The following RBFOX1 variants were observed in gnomAD, a reference collection of about 807,000 sequenced individuals.
RBFOX1 encodes the protein RNA binding protein fox-1 homolog 1.
RBFOX1 carries 8 observed loss-of-function variants against 57.7 expected under a neutral mutation model. That is an observed-to-expected ratio of 0.14 (90% confidence interval 0.08 to 0.25). RBFOX1 has a LOEUF of 0.25. Among genes scored for constraint, RBFOX1 ranks in the 10% least tolerant of loss-of-function variants. The probability of loss-of-function intolerance (pLI) is 1.00; values close to 1 mark genes in which losing one functional copy is unlikely to be tolerated. For missense variants in RBFOX1, 611 were observed against 548.5 expected (o/e 1.11, Z -1.14); for synonymous variants, 326 against 222.4 (o/e 1.47, Z -4.15).
In RBFOX1 at chr16:6,825,017, G is replaced by T. The variant is rs12921249; in HGVS notation, c.-16+170367G>T. ...TTTTTTTTTTTTTTTTTTTTTTTGA[G>T]ACGGCGTCTGGCTCTGTCACCCAGG... On this transcript the variant is annotated intron_variant, in intron 3 of 15. Coordinates refer to ENST00000550418, the MANE Select transcript of RBFOX1 (RefSeq NM_018723.4). Among the ~76,000 whole-genome samples, 46 of 32,064 alleles carry T rather than the reference G, an allele frequency of 1.4e-3. 1 individual carries two copies. Among genetic ancestry groups the T allele is most frequent in the East Asian group, 7.4e-4 (1 of 1,344 alleles). 21.0% of individuals were successfully genotyped at this position (32,064 alleles called of 152,430 possible).
chr16:6,551,779 C>T (rs984635009), intron 2 of RBFOX1, among the ~76,000 whole-genome samples: 16 of 152,156 alleles, frequency 1.1e-4, no homozygotes, highest in African/African-American at 3.9e-4. Context: ...GGTCCTTTTC[C>T]AACCGGGACG....
At chr16:6,382,173 T>C (rs1367681572) in intron 2 of RBFOX1, among the ~76,000 whole-genome samples, 1 of 152,218 alleles carries the variant, frequency 6.6e-6, no homozygotes, top group Admixed American at 6.5e-5. Flanking sequence ...ATAGTATTCT[T>C]GTGATCCTTT....
chr16:7,700,223 C>T (rs940826501), intron 14 of RBFOX1, among the ~76,000 whole-genome samples: 5 of 152,238 alleles, frequency 3.3e-5, no homozygotes, highest in Admixed American at 2.0e-4. Flanking sequence ...ATAAAATAGA[C>T]GAGAGGCAAT....
At chr16:6,034,815 T>C (rs2095343445) in intron 1 of RBFOX1, among the ~76,000 whole-genome samples, 1 of 152,134 alleles carries the variant, frequency 6.6e-6, no homozygotes. Flanking sequence ...TAGACCCTGC[T>C]CTCATCCTGT....
chr16:7,409,065 C>T (rs1225420597), intron 4 of RBFOX1, among the ~76,000 whole-genome samples: 3 of 152,182 alleles, frequency 2.0e-5, no homozygotes, highest in African/African-American at 4.8e-5. Context: ...ACGAGATTGC[C>T]TTGAACTCCT....
At chr16:6,358,926 G>A (rs1325447297) in intron 2 of RBFOX1, among the ~76,000 whole-genome samples, 1 of 152,208 alleles carries the variant, frequency 6.6e-6, no homozygotes, top group East Asian at 1.9e-4. Context: ...GGGTAGCAAA[G>A]CTGAGATTCT....
intron 4 of RBFOX1, among the ~76,000 whole-genome samples, chr16:7,190,666 A>T (rs531980535): frequency 2.0e-5 from 3 of 152,144 alleles, no homozygotes; most frequent in African/African-American, 7.2e-5. Context: ...GAAATCAGAA[A>T]TTCAGCTCCC....
At chr16:7,065,322 C>T (rs1457800097) in intron 4 of RBFOX1, among the ~76,000 whole-genome samples, 1 of 152,076 alleles carries the variant, frequency 6.6e-6, no homozygotes, top group African/African-American at 2.4e-5. Context: ...AATCTGCTTT[C>T]TTCAGGTGCA....
At chr16:5,397,145 C>T (rs1313213637) in intron 1 of RBFOX1, among the ~76,000 whole-genome samples, 3 of 152,198 alleles carry the variant, frequency 2.0e-5, no homozygotes, top group Non-Finnish European at 4.4e-5. Context: ...CAAAGTGAAA[C>T]CACAGGTGTC....
Position 5,301,017 on chromosome 16 carries a change from G to A in RBFOX1, c.219+60912G>A, listed in dbSNP as rs189131454. On this transcript the variant is annotated intron_variant, in intron 1 of 2. Coordinates refer to the RBFOX1 transcript ENST00000585867. ...CTCAAAGTGGCTTCCAGTAGCCTCT[G>A]CCTCTTGATATCCACATCCTTGTGT... Among the ~76,000 whole-genome samples, 677 of 152,226 alleles carry A rather than the reference G, an allele frequency of 4.4e-3. 4 individuals are homozygous for A. Among genetic ancestry groups the A allele is most frequent in the African/African-American group, 0.014 (586 of 41,544 alleles).
At chr16:5,284,755 G>GCTTTTTTTTT (rs2063350890) in intron 1 of RBFOX1, among the ~76,000 whole-genome samples, 1 of 28,508 alleles carries the variant, frequency 3.5e-5, no homozygotes, top group Non-Finnish European at 7.1e-5. Flanking sequence ...TTTTGGCTTA[G>GCTTTTTTTTT]ATTTTTTTTT....
chr16:7,287,855 C>G (rs1340431723), intron 4 of RBFOX1, among the ~76,000 whole-genome samples: 6 of 152,140 alleles, frequency 3.9e-5, no homozygotes, highest in African/African-American at 1.4e-4. Flanking sequence ...ATTACCTTCC[C>G]CCACCCATTT....
chr16:7,233,976 T>C (rs1057104826), intron 4 of RBFOX1, among the ~76,000 whole-genome samples: 54 of 152,282 alleles, frequency 3.5e-4, no homozygotes, highest in Admixed American at 2.4e-3. Context: ...TAGAAGTGAA[T>C]GAGCTTAATT....
rs144587369 is a variant in RBFOX1, at chr16:5,718,463, T to G, written c.318+119502T>G. ...AGGTGTTATTTTGATGATAGCTAAC[T>G]GATAAACTCTCTTTAGATGTGAGCT... On this transcript the variant is annotated intron_variant, in intron 3 of 19. Coordinates refer to the RBFOX1 transcript ENST00000641259. Among the ~76,000 whole-genome samples the G allele has an allele frequency of 1.2e-3, 186 of 152,356 alleles. 3 individuals carry two copies. The highest frequency in any genetic ancestry group is 4.2e-3 in the African/African-American group (175 of 41,590).
chr16:5,313,735 G>T (rs2064154471), intron 1 of RBFOX1, among the ~76,000 whole-genome samples: 2 of 152,146 alleles, frequency 1.3e-5, no homozygotes, highest in Admixed American at 6.5e-5. Context: ...ATTCACTATT[G>T]CGAGAACAGC....
chr16:5,567,525 G>A (rs1264485465), intron 2 of RBFOX1, among the ~76,000 whole-genome samples: 1 of 151,202 alleles, frequency 6.6e-6, no homozygotes, highest in Non-Finnish European at 1.5e-5. Flanking sequence ...GGCAGCAGTG[G>A]TGCAGGTTTT....
chr16:6,234,969 C>T (rs1415759033), intron 1 of RBFOX1, among the ~76,000 whole-genome samples: 1 of 152,108 alleles, frequency 6.6e-6, no homozygotes, highest in Non-Finnish European at 1.5e-5. Context: ...TAGGAGGACT[C>T]TGTACCACTT....
At chr16:7,040,761 C>A (rs907101026) in intron 3 of RBFOX1, among the ~76,000 whole-genome samples, 3 of 152,158 alleles carry the variant, frequency 2.0e-5, no homozygotes, top group African/African-American at 7.2e-5. Context: ...TTTATTTTGT[C>A]ATAGACATCA....
rs2095423135 is a variant in RBFOX1 at position 6,040,393 on chromosome 16, A to T, written c.-127+20401A>T. 4.6e-5 allele frequency among the ~76,000 whole-genome samples: 7 copies of T among 152,114 alleles called. No homozygotes were observed. The South Asian group carries it at 1.4e-3, about 32-fold the overall frequency. On this transcript the variant is annotated intron_variant, in intron 1 of 15. Coordinates refer to ENST00000550418, the MANE Select transcript of RBFOX1 (RefSeq NM_018723.4). Reference sequence around the variant, plus strand: ...CCTTCCCTAGTCCCTGGCAACCAACATTCTACTTTCTGTGTTTATGATTTT... The same window carrying T: ...CCTTCCCTAGTCCCTGGCAACCAACTTTCTACTTTCTGTGTTTATGATTTT...
Sources: allele counts gnomAD v4.1 joint callset (sites outside exome capture counted in the v4.1 genomes callset), GRCh38; gene constraint gnomAD v4.1.1; transcripts MANE v1.5; gene names NCBI Gene and HGNC (gene_info 2026-07-23, HGNC 2026-07-21).